The following UBTD2 variants were observed in gnomAD, a reference collection of about 807,000 sequenced individuals.
The protein encoded by UBTD2 is ubiquitin domain containing 2.
Under a neutral mutation model 19.8 loss-of-function variants are expected in UBTD2, and 9 were observed. That is an observed-to-expected ratio of 0.46 (90% CI 0.27 to 0.79). The LOEUF (loss-of-function observed/expected upper bound fraction) is 0.79, where lower values mean the gene tolerates loss of function less well. Ranked by LOEUF, UBTD2 falls within the 30% of genes least tolerant of loss-of-function variation. The pLI is 0.14. For synonymous variants in UBTD2, 98 were observed against 103.9 expected (o/e 0.94, Z 0.35); for missense variants, 250 against 300.4 (o/e 0.83, Z 1.24).
chr5:172,257,290 T>C (rs917239673), intron 1 of UBTD2, among the ~76,000 whole-genome samples: 3 of 152,256 alleles, frequency 2.0e-5, no homozygotes, highest in African/African-American at 7.2e-5. Flanking sequence ...TCCAGCTGCA[T>C]CCATGTTGCT....
intron 1 of UBTD2, among the ~76,000 whole-genome samples, chr5:172,275,842 A>T (rs1208853897): frequency 6.6e-6 from 1 of 152,164 alleles, no homozygotes; most frequent in African/African-American, 2.4e-5. Flanking sequence ...TATCTTTCTT[A>T]TTCCACAAAA....
chr5:172,272,535 G>A (rs779632280), intron 1 of UBTD2, among the ~76,000 whole-genome samples: 1 of 152,086 alleles, frequency 6.6e-6, no homozygotes, highest in Admixed American at 6.6e-5. Flanking sequence ...GATCATGTCC[G>A]GTTAATTTGA....
chr5:172,217,603 A>G (rs1771572165), intron 2 of UBTD2, among the ~76,000 whole-genome samples: 1 of 151,990 alleles, frequency 6.6e-6, no homozygotes, highest in Non-Finnish European at 1.5e-5. Context: ...CTCCTGCCTT[A>G]GTCTCATGAG....
intron 2 of UBTD2, among the ~76,000 whole-genome samples, chr5:172,221,125 T>C (rs1352556670): frequency 1.3e-5 from 2 of 152,158 alleles, no homozygotes; most frequent in African/African-American, 4.8e-5. Context: ...AAAGAGTCCA[T>C]GTTCATGGAT....
intron 2 of UBTD2, among the ~76,000 whole-genome samples, chr5:172,217,149 T>G (rs1313325927): frequency 1.3e-5 from 2 of 151,842 alleles, no homozygotes; most frequent in African/African-American, 4.8e-5. Flanking sequence ...TGGTGGCTTA[T>G]GCCTACAATC....
At chr5:172,223,617 A>AAAAAAAAG (rs1561850764) in intron 2 of UBTD2, among the ~76,000 whole-genome samples, 1 of 129,282 alleles carries the variant, frequency 7.7e-6, no homozygotes, top group African/African-American at 3.0e-5. Flanking sequence ...AAAAAAAAAA[A>AAAAAAAAG]GCACACTTAG....
At chr5:172,256,689 G>A (rs1469722776) in intron 1 of UBTD2, among the ~76,000 whole-genome samples, 2 of 152,098 alleles carry the variant, frequency 1.3e-5, no homozygotes, top group Admixed American at 6.6e-5. Context: ...GGGAGGCCAA[G>A]GCGGGCAGAT....
chr5:172,251,465 C>CAAAAAAAAA (rs59810255), intron 1 of UBTD2, among the ~76,000 whole-genome samples: 1 of 91,958 alleles, frequency 1.1e-5, no homozygotes, highest in African/African-American at 4.1e-5. Flanking sequence ...TCAAACTGTC[C>CAAAAAAAAA]AAAAAAAAAA....
chr5:172,230,653 A>C (rs1263821613), intron 2 of UBTD2, among the ~76,000 whole-genome samples: 1 of 152,236 alleles, frequency 6.6e-6, no homozygotes, highest in Non-Finnish European at 1.5e-5. Flanking sequence ...TAAGACCAGA[A>C]CTGATATCGA....
Position 172,283,203 on chromosome 5 carries a change from A to C in UBTD2, c.70+393T>G, listed in dbSNP as rs1484680365. Among the ~76,000 whole-genome samples the C allele has an allele frequency of 1.3e-5, 2 of 151,972 alleles. No individual in the cohort carries two copies. Among genetic ancestry groups the C allele is most frequent in the Non-Finnish European group, 2.9e-5 (2 of 67,964 alleles). ...GGAAAGATGTGGCGGGGCCCGTCGG[A>C]GGGAACGCATCAAGCTCCCTCCCCC... is the stretch of plus-strand genomic sequence containing the variant. On this transcript the variant is annotated intron_variant, in intron 1 of 2. Coordinates refer to ENST00000393792, the MANE Select transcript of UBTD2 (RefSeq NM_152277.3). This position sits in a 1 kb window ranked among gnomAD's most constrained non-coding sequence, Gnocchi z 4.3.
intron 2 of UBTD2, among the ~76,000 whole-genome samples, chr5:172,232,126 A>G (rs1305624966): frequency 6.6e-6 from 1 of 152,108 alleles, no homozygotes; most frequent in Non-Finnish European, 1.5e-5. Flanking sequence ...TACAAAAATT[A>G]GCTGGGCCTG....
chr5:172,230,642 G>T (rs1771870180), intron 2 of UBTD2, among the ~76,000 whole-genome samples: 2 of 152,168 alleles, frequency 1.3e-5, no homozygotes, highest in African/African-American at 2.4e-5. Context: ...AGGGACAGAA[G>T]TAAGACCAGA....
intron 1 of UBTD2, among the ~76,000 whole-genome samples, chr5:172,272,117 T>G (rs1049427450): frequency 6.6e-6 from 1 of 152,238 alleles, no homozygotes; most frequent in Non-Finnish European, 1.5e-5. Flanking sequence ...TGGAAACTTC[T>G]AAGTTTCACT....
chr5:172,275,476 G>A (rs900530953), intron 1 of UBTD2, among the ~76,000 whole-genome samples: 1 of 152,106 alleles, frequency 6.6e-6, no homozygotes, highest in Non-Finnish European at 1.5e-5. Flanking sequence ...AGTTTCACAA[G>A]CAGAGACCTG....
chr5:172,259,513 G>C (rs1289495171), intron 1 of UBTD2, among the ~76,000 whole-genome samples: 1 of 151,938 alleles, frequency 6.6e-6, no homozygotes, highest in Non-Finnish European at 1.5e-5. Flanking sequence ...TCATAGAAGA[G>C]AGAAGAGACT....
intron 2 of UBTD2, among the ~76,000 whole-genome samples, chr5:172,222,978 T>C (rs1771683809): frequency 6.6e-6 from 1 of 152,088 alleles, no homozygotes; most frequent in Non-Finnish European, 1.5e-5. Context: ...ATCATCTACC[T>C]GAAGAAAGAA....
At chr5:172,224,191 A>G (rs1266956580) in intron 2 of UBTD2, among the ~76,000 whole-genome samples, 2 of 150,930 alleles carry the variant, frequency 1.3e-5, no homozygotes, top group African/African-American at 4.9e-5. Context: ...CATAAACCCC[A>G]CGTACCTAGG....
chr5:172,264,390 CA>C (rs1366590493), intron 1 of UBTD2, among the ~76,000 whole-genome samples: 1 of 151,316 alleles, frequency 6.6e-6, no homozygotes, highest in Admixed American at 6.6e-5. Flanking sequence ...ACTAAAAATA[CA>C]AAAAAATAGC....
At chr5:172,248,993 GATT>G (rs1754937126) in intron 1 of UBTD2, among the ~76,000 whole-genome samples, 1 of 151,846 alleles carries the variant, frequency 6.6e-6, no homozygotes, top group Admixed American at 6.6e-5. Flanking sequence ...AAACAGTAGA[GATT>G]CAACAAAATA....
Sources: allele counts gnomAD v4.1 joint callset (sites outside exome capture counted in the v4.1 genomes callset), GRCh38; gene constraint gnomAD v4.1.1; non-coding constraint Gnocchi (gnomAD v3.1); transcripts MANE v1.5; gene names NCBI Gene and HGNC (gene_info 2026-07-23, HGNC 2026-07-21).